The following RNF123 variants were observed in gnomAD, a reference collection of about 807,000 sequenced individuals.
RNF123 encodes the protein ring finger protein 123.
A neutral mutation model predicts 168.5 loss-of-function variants in RNF123; 86 were observed. That is an observed-to-expected ratio of 0.51 (90% CI 0.43 to 0.61). RNF123 has a LOEUF of 0.61. Among genes scored for constraint, RNF123 ranks in the 20% least tolerant of loss-of-function variants. The probability of loss-of-function intolerance (pLI) is 0.00; values close to 1 mark genes in which losing one functional copy is unlikely to be tolerated. For synonymous variants in RNF123, 666 were observed against 689.1 expected, an observed-to-expected ratio of 0.97 and a Z score of 0.52; for missense variants, 1,419 against 1,729.7, an observed-to-expected ratio of 0.82 and a Z score of 3.19.
At chr3:49,705,215 A>G in intron 23 of RNF123, 33 bp downstream of exon 23, 1 of 1,571,210 alleles carries the variant, frequency 6.4e-7, no homozygotes, top group Non-Finnish European at 8.6e-7. Flanking sequence ...CAGGTCCCCG[A>G]AGGACCCTTC....
intron 35 of RNF123, chr3:49,716,776 T>C (rs2080253384): frequency 5.4e-6 from 2 of 370,868 alleles, no homozygotes; most frequent in Non-Finnish European, 5.0e-6. Flanking sequence ...TGTGCCGTCC[T>C]GTGGTGGACA....
rs2054505396 is a variant in RNF123, at chr3:49,705,824, TCCTGCTGCCTCAGTCTGA to T, written c.2305-150_2305-133del. Reference sequence around the variant, plus strand: ...ATGCCTCAGCGAGGCTGGTTTCTGCTCCTGCTGCCTCAGTCTGACCTGCTGACTGTTGTGGGAATGGGA... The same window carrying T: ...ATGCCTCAGCGAGGCTGGTTTCTGCTCCTGCTGACTGTTGTGGGAATGGGA... On this transcript the variant is annotated intron_variant, in intron 24 of 38. Transcript: ENST00000327697. 23 of 1,448,350 alleles carry T rather than the reference TCCTGCTGCCTCAGTCTGA, an allele frequency of 1.6e-5. No homozygotes were observed. In the Admixed American group the frequency reaches 4.3e-4, roughly 27 times the overall value. The allele number at this position is 1,448,350 out of a possible 1,614,324, so 89.7% of individuals were successfully genotyped here.
At chr3:49,703,952 C>T (rs1300527097) in intron 21 of RNF123, among the ~76,000 whole-genome samples, 1 of 152,150 alleles carries the variant, frequency 6.6e-6, no homozygotes, top group Non-Finnish European at 1.5e-5. Flanking sequence ...GGCTGAGAGA[C>T]AGGGAGCCCA....
At position 49,702,401 on chromosome 3, in the gene RNF123, G is replaced by C. The variant is rs748756783; in HGVS notation, c.1625G>C (p.Arg542Pro). The part of the protein sequence containing the change: ...RKFLQENASG[R>P]GNMPMLCPPE... ...TTTCTGCAGGAGAACGCCAGTGGCCGGGGGGTAGGTGTCCTCCAGGCCAGC... is the reference window on the plus strand; with the variant it reads ...TTTCTGCAGGAGAACGCCAGTGGCCCGGGGGTAGGTGTCCTCCAGGCCAGC... The change falls in exon 19 of 39, where the codon CGG becomes CCG. Residue 542 changes from arginine (R) to proline (P), a missense_variant. Physicochemically the swap from Arg to Pro is moderately radical, Grantham distance 103. Transcript: ENST00000327697. 3 of 1,613,406 alleles carry C rather than the reference G, an allele frequency of 1.9e-6. No individual in the cohort carries two copies. The highest frequency in any genetic ancestry group is 1.3e-5 in the African/African-American group (1 of 74,918).
intron 22 of RNF123, 59 bp from the exon 23 acceptor site, chr3:49,704,925 C>T: frequency 2.0e-6 from 3 of 1,507,678 alleles, no homozygotes; most frequent in South Asian, 1.2e-5. Context: ...ATTCTGCAGC[C>T]CCGTGGGCCA....
At chr3:49,698,563 A>G (rs1367470692) in intron 8 of RNF123, 37 bp downstream of exon 8, 26 of 1,604,248 alleles carry the variant, frequency 1.6e-5, no homozygotes, top group Non-Finnish European at 2.2e-5. Flanking sequence ...CCGCCCCATG[A>G]CTGTTACTAC....
intron 31 of RNF123, among the ~76,000 whole-genome samples, chr3:49,714,614 A>C (rs1271695306): frequency 1.3e-5 from 2 of 152,206 alleles, no homozygotes; most frequent in African/African-American, 4.8e-5. Context: ...GGCCTTGGAC[A>C]CCTGAGTCCA....
chr3:49,718,883 G>A (rs2080316503), intron 35 of RNF123: 1 of 1,613,504 alleles, frequency 6.2e-7, no homozygotes. Context: ...ATGTGTCCCA[G>A]CCGGTTGGAG....
intron 35 of RNF123, 150 bp from the exon 36 acceptor site, chr3:49,720,361 C>A: frequency 1.5e-6 from 1 of 653,578 alleles, no homozygotes; most frequent in Non-Finnish European, 2.3e-6. Flanking sequence ...TACTAGAATA[C>A]AGGACTTGGG....
In RNF123 at chr3:49,720,847, C is replaced by T. The variant is rs1326824670; in HGVS notation, c.3691C>T (p.Leu1231=). Residue 1231 remains leucine (L), a synonymous_variant, in exon 37 of 39, where the codon CTG becomes TTG. Transcript: ENST00000327697. The part of the protein sequence containing the change: ...ADELAQVEQM[L]AHLTSASAQA... ...TGAGCTGGCCCAAGTGGAACAGATG[C>T]TGGCGCACCTGACCTCTGCATCTGC... is the stretch of plus-strand genomic sequence containing the variant. 2.5e-6 allele frequency: 4 copies of T among 1,614,198 alleles called. No individual in the cohort carries two copies. Among genetic ancestry groups the T allele is most frequent in the Middle Eastern group, 3.3e-4 (2 of 6,062 alleles).
At chr3:49,702,778 C>A in intron 20 of RNF123, 25 bp downstream of exon 20, 2 of 1,613,836 alleles carry the variant, frequency 1.2e-6, no homozygotes, top group South Asian at 2.2e-5. Flanking sequence ...GGTCCCAGGT[C>A]AGTGAGGCTG....
intron 3 of RNF123, among the ~76,000 whole-genome samples, chr3:49,694,556 A>C (rs1254484630): frequency 6.6e-6 from 1 of 152,148 alleles, no homozygotes; most frequent in Non-Finnish European, 1.5e-5. Flanking sequence ...AGTCACTTTT[A>C]AGACTGTTGC....
chr3:49,721,347 C>T lies in RNF123; in HGVS notation c.*42C>T. The T allele has an allele frequency of 6.2e-7, 1 of 1,613,956 alleles. No homozygotes were observed. The highest frequency in any genetic ancestry group is 8.5e-7 in the Non-Finnish European group (1 of 1,179,862). On this transcript the variant is annotated 3_prime_UTR_variant, in exon 39 of 39. Coordinates refer to ENST00000327697, the MANE Select transcript of RNF123 (RefSeq NM_022064.5). Reference sequence around the variant, plus strand: ...CATCCTGGAACCTCCACCTTTGAACCCAGAGCCAGGCTGGGCCCTATTTAT... The same window carrying T: ...CATCCTGGAACCTCCACCTTTGAACTCAGAGCCAGGCTGGGCCCTATTTAT...
At chr3:49,697,273 G>T in intron 4 of RNF123, 51 bp downstream of exon 4, 4 of 1,601,252 alleles carry the variant, frequency 2.5e-6, no homozygotes, top group Non-Finnish European at 3.4e-6. Flanking sequence ...CTGGGACGTA[G>T]CGGGCCTGGA....
At chr3:49,712,825 T>C (rs2080170016) in intron 27 of RNF123, 169 bp downstream of exon 27, 5 of 779,778 alleles carry the variant, frequency 6.4e-6, no homozygotes, top group Non-Finnish European at 1.1e-5. Context: ...GTCTGCACCC[T>C]GCCCTGGGAC....
intron 27 of RNF123, 165 bp from the exon 28 acceptor site, chr3:49,713,348 C>A: frequency 1.5e-6 from 1 of 652,118 alleles, no homozygotes; most frequent in Non-Finnish European, 2.7e-6. Flanking sequence ...CCTTGCACAG[C>A]CACCAATGAA....
rs1291568946 is a variant in RNF123, at chr3:49,703,315, G to A, written c.1751-112G>A. ...TCTCTGTCTGCCTGGATGGGTGAGT[G>A]GCCAAAGCCAGAATTCCCAGGCTGT... On this transcript the variant is annotated intron_variant, in intron 20 of 38. Transcript: ENST00000327697. 3 of 822,698 alleles carry A rather than the reference G, an allele frequency of 3.6e-6. No homozygotes were observed. The East Asian group carries it at 8.1e-5, about 22-fold the overall frequency. The allele number at this position is 822,698 out of a possible 1,614,324, so 51.0% of individuals were successfully genotyped here. A position where few individuals can be genotyped will look rare whatever the true frequency, so the allele number is the denominator to read the frequency against.
rs748150598 is a variant in RNF123, at chr3:49,721,488, T to G, written c.*183T>G. The G allele has an allele frequency of 1.1e-6, 1 of 902,472 alleles. No individual in the cohort carries two copies. The highest frequency in any genetic ancestry group is 1.8e-6 in the Non-Finnish European group (1 of 545,322). 55.9% of individuals were successfully genotyped at this position (902,472 alleles called of 1,614,324 possible). On this transcript the variant is annotated 3_prime_UTR_variant, in exon 39 of 39. Coordinates refer to ENST00000327697, the MANE Select transcript of RNF123 (RefSeq NM_022064.5). ...CCCTAATTGTGCCTGAGCTTGACTT[T>G]CAGTCAGGGCCACAGTGAGCATTAA...
At chr3:49,719,650 T>C (rs2080344600) in intron 35 of RNF123, 4 of 584,752 alleles carry the variant, frequency 6.8e-6, no homozygotes, top group South Asian at 4.5e-5. Flanking sequence ...TGCGGCACTC[T>C]TAGCCGCGCT....
Sources: allele counts gnomAD v4.1 joint callset (sites outside exome capture counted in the v4.1 genomes callset), GRCh38; gene constraint gnomAD v4.1.1; transcripts MANE v1.5; gene names NCBI Gene and HGNC (gene_info 2026-07-23, HGNC 2026-07-21).